ADCY2: variants seen among roughly 807,000 people sequenced by gnomAD.
ADCY2 encodes the protein adenylate cyclase 2.
In ADCY2, 31 loss-of-function variants were observed where a neutral mutation model predicts 125.2. That is an observed-to-expected ratio of 0.25 (90% CI 0.19 to 0.33). The LOEUF (loss-of-function observed/expected upper bound fraction) is 0.33. Ranked by LOEUF, ADCY2 falls within the 10% of genes least tolerant of loss-of-function variation. The pLI is 1.00. For synonymous variants in ADCY2, 512 were observed against 548.4 expected (o/e 0.93, Z 0.93); for missense variants, 904 against 1,418.2 (o/e 0.64, Z 5.82).
chr5:7,455,546 A>G (rs1364661119), intron 2 of ADCY2, among the ~76,000 whole-genome samples: 2 of 150,988 alleles, frequency 1.3e-5, no homozygotes, highest in Non-Finnish European at 1.5e-5. Flanking sequence ...ATTATATATT[A>G]TAAAACATGT....
intron 4 of ADCY2, among the ~76,000 whole-genome samples, chr5:7,681,237 A>G (rs1740322644): frequency 6.6e-6 from 1 of 152,176 alleles, no homozygotes; most frequent in African/African-American, 2.4e-5. Context: ...TTCTTCACTT[A>G]TTATTCTTTC....
At chr5:7,511,461 G>A (rs2126519614) in intron 2 of ADCY2, among the ~76,000 whole-genome samples, 1 of 152,150 alleles carries the variant, frequency 6.6e-6, no homozygotes, top group South Asian at 2.1e-4. Flanking sequence ...TGTAGTCCCA[G>A]CTACTCAGGA....
chr5:7,642,838 C>G (rs1046147771), intron 4 of ADCY2, among the ~76,000 whole-genome samples: 1 of 152,012 alleles, frequency 6.6e-6, no homozygotes, highest in Non-Finnish European at 1.5e-5. Flanking sequence ...CAAAGAATTT[C>G]ATATCTCACC....
At chr5:7,810,678 TTGATTGGTGGGTTATCTACC>T (rs1485578241) in intron 22 of ADCY2, among the ~76,000 whole-genome samples, 2 of 151,976 alleles carry the variant, frequency 1.3e-5, no homozygotes, top group Non-Finnish European at 2.9e-5. Context: ...GGTTATCTGT[TTGATTGGTGGGTTATCTACC>T]TGATCTTCAT....
At chr5:7,733,086 C>G (rs1286378312) in intron 14 of ADCY2, among the ~76,000 whole-genome samples, 2 of 152,108 alleles carry the variant, frequency 1.3e-5, no homozygotes, top group Non-Finnish European at 2.9e-5. Context: ...TTATGTTTAA[C>G]CAGTCATGAG....
chr5:7,626,223 G>A lies in ADCY2; in HGVS notation c.627G>A (p.Lys209=), dbSNP rs776298072. 14 of 1,614,156 alleles carry A rather than the reference G, an allele frequency of 8.7e-6. No homozygotes were observed. The highest frequency in any genetic ancestry group is 1.3e-5 in the African/African-American group (1 of 75,064). Reference sequence around the variant, plus strand: ...GGAACCTGGCGGGAGCCTACCATAAGCACCTCATGGAACTCGCTCTTCAGC... The same window carrying A: ...GGAACCTGGCGGGAGCCTACCATAAACACCTCATGGAACTCGCTCTTCAGC... ...ICGNLAGAYH[K]HLMELALQQT... Residue 209 remains lysine, a synonymous_variant, in exon 4 of 25, where the codon AAG becomes AAA. Transcript: ENST00000338316.
At chr5:7,590,768 T>C (rs1736827195) in intron 3 of ADCY2, among the ~76,000 whole-genome samples, 1 of 152,136 alleles carries the variant, frequency 6.6e-6, no homozygotes, top group African/African-American at 2.4e-5. Context: ...ATAATGTAAA[T>C]GTGGTTATGT....
chr5:7,586,982 A>T (rs1187948316), intron 3 of ADCY2, among the ~76,000 whole-genome samples: 1 of 151,960 alleles, frequency 6.6e-6, no homozygotes, highest in Non-Finnish European at 1.5e-5. Flanking sequence ...AGGTATATAG[A>T]TAGATAGATA....
intron 23 of ADCY2, among the ~76,000 whole-genome samples, chr5:7,819,314 C>A (rs542254964): frequency 3.3e-5 from 5 of 152,270 alleles, no homozygotes; most frequent in Admixed American, 1.3e-4. Flanking sequence ...TATTAACTAT[C>A]GCAATGGGAG....
chr5:7,810,739 A>G (rs1325871856), intron 22 of ADCY2, among the ~76,000 whole-genome samples: 3 of 152,092 alleles, frequency 2.0e-5, no homozygotes, highest in Non-Finnish European at 4.4e-5. Flanking sequence ...GGAGCATAGA[A>G]GCAACTGTTC....
intron 2 of ADCY2, among the ~76,000 whole-genome samples, chr5:7,435,237 G>A (rs1217854541): frequency 6.6e-6 from 1 of 152,200 alleles, no homozygotes; most frequent in African/African-American, 2.4e-5. Flanking sequence ...GTGAACTGAT[G>A]TAAGCTCACT....
At chr5:7,568,521 T>C (rs1486807096) in intron 3 of ADCY2, among the ~76,000 whole-genome samples, 1 of 152,050 alleles carries the variant, frequency 6.6e-6, no homozygotes, top group African/African-American at 2.4e-5. Context: ...CATAGTTTAA[T>C]GGTGGAATTT....
chr5:7,430,383 A>G (rs1273792538), intron 2 of ADCY2, among the ~76,000 whole-genome samples: 2 of 151,888 alleles, frequency 1.3e-5, no homozygotes, highest in Admixed American at 1.3e-4. Flanking sequence ...AAAAGCAAAG[A>G]CATTCCAAAG....
At chr5:7,673,471 A>G (rs756898521) in intron 4 of ADCY2, among the ~76,000 whole-genome samples, 3 of 151,412 alleles carry the variant, frequency 2.0e-5, no homozygotes, top group Non-Finnish European at 4.4e-5. Context: ...CAAACCTACA[A>G]TGTGCACGAA....
intron 12 of ADCY2, 103 bp from the exon 13 acceptor site, chr5:7,724,442 G>C: frequency 5.2e-6 from 4 of 763,256 alleles, no homozygotes; most frequent in Non-Finnish European, 6.6e-6. Flanking sequence ...TGTTCGGAAT[G>C]ATACACAATA....
chr5:7,499,658 T>G (rs1204150106), intron 2 of ADCY2, among the ~76,000 whole-genome samples: 1 of 102,280 alleles, frequency 9.8e-6, no homozygotes, highest in African/African-American at 3.8e-5. Context: ...GATATATATA[T>G]ATATATATAT....
chr5:7,541,647 G>T (rs887641254), intron 3 of ADCY2, among the ~76,000 whole-genome samples: 1 of 152,146 alleles, frequency 6.6e-6, no homozygotes, highest in Admixed American at 6.5e-5. Flanking sequence ...GTCACCCTTG[G>T]TTCTAACTGC....
At chr5:7,817,184 A>T (rs1745139940) in intron 23 of ADCY2, among the ~76,000 whole-genome samples, 1 of 151,994 alleles carries the variant, frequency 6.6e-6, no homozygotes. Flanking sequence ...GGCTACCTGC[A>T]CTCAGTCAAG....
chr5:7,418,645 C>CTTTTTT (rs1160037097), intron 2 of ADCY2, among the ~76,000 whole-genome samples: 12 of 92,502 alleles, frequency 1.3e-4, no homozygotes, highest in African/African-American at 5.6e-4. Context: ...AGTCTACCTT[C>CTTTTTT]TGTTTTTTTT....
Sources: allele counts gnomAD v4.1 joint callset (sites outside exome capture counted in the v4.1 genomes callset), GRCh38; gene constraint gnomAD v4.1.1; transcripts MANE v1.5; gene names NCBI Gene and HGNC (gene_info 2026-07-23, HGNC 2026-07-21).